The following ENTREP2 variants were observed in gnomAD, a reference collection of about 807,000 sequenced individuals.
ENTREP2 encodes the protein endosomal transmembrane epsin interactor 2, also known as protein ENTREP2.
At chr15:29,284,069 A>C in the ENTREP2 span, among the ~76,000 whole-genome samples, 1 of 152,186 alleles carries the variant, frequency 6.6e-6, no homozygotes, top group African/African-American at 2.4e-5. Context: ...AAATAATAGG[A>C]GTTGAGGGAG....
At chr15:29,650,056 T>C in the ENTREP2 span, among the ~76,000 whole-genome samples, 1 of 152,242 alleles carries the variant, frequency 6.6e-6, no homozygotes, top group African/African-American at 2.4e-5. Context: ...TTTAAACACT[T>C]GAAAATGGGC....
chr15:29,593,090 A>G, the ENTREP2 span, among the ~76,000 whole-genome samples: 2,901 of 152,272 alleles, frequency 0.019, 99 homozygotes, highest in African/African-American at 0.067. Flanking sequence ...AGAGGGACAC[A>G]TTTGAACCAT....
chr15:29,561,810 A>G, the ENTREP2 span, among the ~76,000 whole-genome samples: 1 of 152,174 alleles, frequency 6.6e-6, no homozygotes, highest in Non-Finnish European at 1.5e-5. Context: ...TCATCAACGG[A>G]TGTGAAGTTG....
At chr15:29,449,699 G>A in the ENTREP2 span, among the ~76,000 whole-genome samples, 2 of 152,144 alleles carry the variant, frequency 1.3e-5, no homozygotes, top group East Asian at 1.9e-4. Flanking sequence ...CTTGTTAACA[G>A]AACAATGTGG....
the ENTREP2 span, among the ~76,000 whole-genome samples, chr15:29,385,163 A>C: frequency 0.049 from 7,430 of 152,230 alleles, 427 homozygotes; most frequent in African/African-American, 0.14. Context: ...GTATTAAACT[A>C]TCAAAATTCT....
the ENTREP2 span, among the ~76,000 whole-genome samples, chr15:29,503,143 C>T: frequency 4.3e-4 from 65 of 152,116 alleles, no homozygotes; most frequent in African/African-American, 1.4e-3. Flanking sequence ...AAATCCAGTA[C>T]ACTAAATGTT....
the ENTREP2 span, among the ~76,000 whole-genome samples, chr15:29,553,658 T>A: frequency 6.6e-6 from 1 of 152,110 alleles, no homozygotes; most frequent in Non-Finnish European, 1.5e-5. Flanking sequence ...TTCCACCTAG[T>A]GTTCTTGGGA....
the ENTREP2 span, among the ~76,000 whole-genome samples, chr15:29,204,568 A>G: frequency 6.6e-6 from 1 of 152,162 alleles, no homozygotes; most frequent in Non-Finnish European, 1.5e-5. Context: ...GACTACTCAC[A>G]GTCCTAACTG....
chr15:29,572,593 A>G, the ENTREP2 span, among the ~76,000 whole-genome samples: 1 of 152,100 alleles, frequency 6.6e-6, no homozygotes, highest in African/African-American at 2.4e-5. Flanking sequence ...CAAAACAGAC[A>G]AAAATCCCTG....
the ENTREP2 span, among the ~76,000 whole-genome samples, chr15:29,338,899 T>TCC: frequency 0.69 from 104,830 of 151,848 alleles, 37,697 homozygotes; most frequent in Middle Eastern, 0.82. Flanking sequence ...CAAATAATAC[T>TCC]CCCCACTCAG....
At chr15:29,148,615 T>C in the ENTREP2 span, among the ~76,000 whole-genome samples, 1 of 152,230 alleles carries the variant, frequency 6.6e-6, no homozygotes, top group Non-Finnish European at 1.5e-5. Context: ...GTTATTTTTA[T>C]TGTGTTTTTT....
the ENTREP2 span, among the ~76,000 whole-genome samples, chr15:29,258,162 G>A: frequency 2.1e-5 from 3 of 143,648 alleles, no homozygotes; most frequent in Admixed American, 1.4e-4. Flanking sequence ...GCAGGGAGCC[G>A]AGATTGCACC....
At chr15:29,641,881 G>A in the ENTREP2 span, among the ~76,000 whole-genome samples, 2 of 148,408 alleles carry the variant, frequency 1.3e-5, no homozygotes, top group Non-Finnish European at 3.0e-5. Flanking sequence ...TCATTTACGA[G>A]ATCATTAAAA....
chr15:29,585,479 C>CATTA, the ENTREP2 span, among the ~76,000 whole-genome samples: 1 of 152,158 alleles, frequency 6.6e-6, no homozygotes, highest in Non-Finnish European at 1.5e-5. Context: ...AAAAGATGAT[C>CATTA]ATAATCAAAA....
At chr15:29,186,057 G>C in the ENTREP2 span, among the ~76,000 whole-genome samples, 1 of 152,110 alleles carries the variant, frequency 6.6e-6, no homozygotes, top group Non-Finnish European at 1.5e-5. Context: ...CCCCGAATGG[G>C]GCGGTGGAGC....
At chr15:29,306,664 A>ATTTTTTT in the ENTREP2 span, among the ~76,000 whole-genome samples, 147 of 77,330 alleles carry the variant, frequency 1.9e-3, 27 homozygotes, top group Non-Finnish European at 3.4e-3. Context: ...ATAATTGGTA[A>ATTTTTTT]TTTTTTTTTT....
the ENTREP2 span, among the ~76,000 whole-genome samples, chr15:29,409,976 A>T: frequency 6.6e-6 from 1 of 152,104 alleles, no homozygotes; most frequent in Non-Finnish European, 1.5e-5. Flanking sequence ...ACCAATATGG[A>T]CTGCTCGCCT....
chr15:29,427,510 C>G, the ENTREP2 span, among the ~76,000 whole-genome samples: 5 of 152,160 alleles, frequency 3.3e-5, no homozygotes, highest in Non-Finnish European at 7.3e-5. Flanking sequence ...TCTGGAAGCT[C>G]CAGGGGAGAG....
chr15:29,423,490 T>C, the ENTREP2 span, among the ~76,000 whole-genome samples: 1 of 151,922 alleles, frequency 6.6e-6, no homozygotes, highest in Non-Finnish European at 1.5e-5. Flanking sequence ...GATTTTTTGG[T>C]TTACAAAGTT....
Sources: allele counts gnomAD v4.1 joint callset (sites outside exome capture counted in the v4.1 genomes callset), GRCh38; gene constraint gnomAD v4.1.1; transcripts MANE v1.5; gene names NCBI Gene and HGNC (gene_info 2026-07-23, HGNC 2026-07-21).